The following COG5 variants were observed in gnomAD, a reference collection of about 807,000 sequenced individuals.
The protein encoded by COG5 is conserved oligomeric Golgi complex subunit 5.
COG5 carries 86 observed loss-of-function variants against 110.4 expected under a neutral mutation model. The ratio of observed to expected loss-of-function variants is 0.78; its 90% CI spans 0.65 to 0.93. COG5 has a LOEUF of 0.93. Among genes scored for constraint, COG5 ranks in the 40% least tolerant of loss-of-function variants. COG5 has a pLI of 0.00. For missense variants in COG5, 1,077 were observed against 987.0 expected (o/e 1.09, Z -1.22); for synonymous variants, 360 against 334.6 (o/e 1.08, Z -0.83).
chr7:107,209,111 G>A (rs1390119555), intron 21 of COG5: 1 of 985,486 alleles, frequency 1.0e-6, no homozygotes, highest in Non-Finnish European at 1.2e-6. Context: ...GCCCCACTCT[G>A]GCTTTAGGGA....
At chr7:107,230,532 G>T in intron 19 of COG5, 83 bp downstream of exon 19, 2 of 1,018,190 alleles carry the variant, frequency 2.0e-6, no homozygotes, top group Non-Finnish European at 1.6e-6. Context: ...TTGAATATTG[G>T]CAATTTTATG....
intron 12 of COG5, among the ~76,000 whole-genome samples, chr7:107,297,568 T>A (rs1318891508): frequency 6.7e-6 from 1 of 149,912 alleles, no homozygotes; most frequent in African/African-American, 2.4e-5. Flanking sequence ...CCTGCCTCAG[T>A]CTCCCGAGTA....
At chr7:107,375,169 T>G (rs1302512018) in intron 7 of COG5, among the ~76,000 whole-genome samples, 1 of 152,096 alleles carries the variant, frequency 6.6e-6, no homozygotes, top group Non-Finnish European at 1.5e-5. Flanking sequence ...TATTTTTTTG[T>G]GAAATTCGTC....
At chr7:107,324,405 T>G (rs752247069) in intron 11 of COG5, 35 bp downstream of exon 11, 11 of 1,319,646 alleles carry the variant, frequency 8.3e-6, no homozygotes, top group African/African-American at 4.3e-5. Flanking sequence ...ACTTAAAACT[T>G]TGAAATTAAT....
chr7:107,456,351 A>C (rs1375443431), intron 6 of COG5, among the ~76,000 whole-genome samples: 1 of 152,184 alleles, frequency 6.6e-6, no homozygotes, highest in East Asian at 1.9e-4. Context: ...TAACAGAATA[A>C]TTGGTATAGG....
chr7:107,352,306 G>T (rs181075415), intron 10 of COG5, among the ~76,000 whole-genome samples: 1 of 105,032 alleles, frequency 9.5e-6, no homozygotes, highest in Non-Finnish European at 1.9e-5. Flanking sequence ...GTTGTGGGGT[G>T]GGGGGAGGGG....
intron 1 of COG5, among the ~76,000 whole-genome samples, chr7:107,562,729 T>A (rs543970428): frequency 1.3e-5 from 2 of 152,348 alleles, no homozygotes; most frequent in African/African-American, 2.4e-5. Flanking sequence ...CAAAAGTACA[T>A]AAATTATCAT....
chr7:107,553,760 C>G (rs1393884422), intron 3 of COG5, among the ~76,000 whole-genome samples: 1 of 152,084 alleles, frequency 6.6e-6, no homozygotes, highest in Non-Finnish European at 1.5e-5. Context: ...GCAAAAAAGG[C>G]TCCAAGAAAG....
intron 14 of COG5, among the ~76,000 whole-genome samples, chr7:107,269,106 C>T (rs1804037158): frequency 6.6e-6 from 1 of 151,956 alleles, no homozygotes; most frequent in Non-Finnish European, 1.5e-5. Flanking sequence ...CTTTTTTACC[C>T]TTTTCCATTA....
intron 17 of COG5, among the ~76,000 whole-genome samples, chr7:107,237,617 T>C (rs565688340): frequency 1.5e-4 from 23 of 152,332 alleles, no homozygotes; most frequent in African/African-American, 5.1e-4. Context: ...TTACTATAAA[T>C]AGGATGCTAA....
intron 6 of COG5, among the ~76,000 whole-genome samples, chr7:107,440,288 T>G (rs1051569081): frequency 6.6e-6 from 1 of 152,164 alleles, no homozygotes; most frequent in Non-Finnish European, 1.5e-5. Flanking sequence ...TACCATAAGT[T>G]TATTCTGGTC....
intron 6 of COG5, among the ~76,000 whole-genome samples, chr7:107,416,761 T>C (rs1036089254): frequency 1.3e-5 from 2 of 152,126 alleles, no homozygotes; most frequent in African/African-American, 2.4e-5. Flanking sequence ...AAATGTATAA[T>C]GTCTGTATGA....
chr7:107,370,809 T>C (rs1814089587), intron 8 of COG5, among the ~76,000 whole-genome samples: 1 of 147,998 alleles, frequency 6.8e-6, no homozygotes, highest in South Asian at 2.1e-4. Context: ...AATTTATATA[T>C]ATATATATAC....
intron 12 of COG5, among the ~76,000 whole-genome samples, chr7:107,296,096 C>T (rs1037632311): frequency 3.3e-5 from 5 of 151,888 alleles, no homozygotes; most frequent in Non-Finnish European, 7.4e-5. Flanking sequence ...CCTTCCCTTC[C>T]CCTTCCTTCC....
chr7:107,563,638 G>C, intron 1 of COG5, 165 bp downstream of exon 1: 1 of 755,664 alleles, frequency 1.3e-6, no homozygotes, highest in South Asian at 1.5e-5. Flanking sequence ...AGAGTAAATA[G>C]GTTGGCTAGA....
In COG5 at chr7:107,527,329, A is replaced by G; in HGVS notation, c.446T>C (p.Ile149Thr). The G allele has an allele frequency of 6.2e-7, 1 of 1,613,636 alleles. No homozygotes were observed. The highest frequency in any genetic ancestry group is 8.5e-7 in the Non-Finnish European group (1 of 1,179,842). Residue 149 changes from isoleucine to threonine, a missense_variant, in exon 6 of 22, where the codon ATT becomes ACT. Physicochemically the swap from Ile to Thr is moderately conservative, Grantham distance 89. Coordinates refer to ENST00000297135, the MANE Select transcript of COG5 (RefSeq NM_006348.5). Reference protein sequence around the residue: ...QVACDLLRRIIRILNLSKRLQ... With the variant: ...QVACDLLRRITRILNLSKRLQ... ...TCTCTTACTGAGATTCAAGATACGA[A>G]TAATCCTCCGAAGCAAATCACAGGC... is the stretch of plus-strand genomic sequence containing the variant.
chr7:107,332,616 G>C (rs1417184818), intron 10 of COG5, among the ~76,000 whole-genome samples: 1 of 152,158 alleles, frequency 6.6e-6, no homozygotes, highest in Non-Finnish European at 1.5e-5. Context: ...CATGGTCTGA[G>C]AAGTGGGCAG....
intron 18 of COG5, among the ~76,000 whole-genome samples, chr7:107,233,178 C>T (rs1489646597): frequency 2.6e-5 from 4 of 152,170 alleles, no homozygotes; most frequent in African/African-American, 4.8e-5. Context: ...GCCACTCTTT[C>T]CTTCAGCTAA....
chr7:107,424,329 G>A (rs1793499467), intron 6 of COG5, among the ~76,000 whole-genome samples: 1 of 151,840 alleles, frequency 6.6e-6, no homozygotes, highest in Non-Finnish European at 1.5e-5. Context: ...GGGCCTGGAG[G>A]GGTTTTCAGA....
Sources: allele counts gnomAD v4.1 joint callset (sites outside exome capture counted in the v4.1 genomes callset), GRCh38; gene constraint gnomAD v4.1.1; transcripts MANE v1.5; gene names NCBI Gene and HGNC (gene_info 2026-07-23, HGNC 2026-07-21).